Variants in ATP2A3 observed in about 807,000 individuals in gnomAD.
ATP2A3 encodes the protein sarcoplasmic/endoplasmic reticulum calcium ATPase 3.
ATP2A3 carries 61 observed loss-of-function variants against 106.8 expected under a neutral mutation model. The observed-to-expected ratio is 0.57, with a 90% CI of 0.46 to 0.71. The LOEUF (loss-of-function observed/expected upper bound fraction) is 0.71, where lower values mean the gene tolerates loss of function less well. Ranked by LOEUF, ATP2A3 falls within the 30% of genes least tolerant of loss-of-function variation. ATP2A3 has a pLI of 0.00. For missense variants in ATP2A3, 1,201 were observed against 1,423.5 expected, an observed-to-expected ratio of 0.84 and a Z score of 2.52; for synonymous variants, 611 against 609.3, an observed-to-expected ratio of 1.00 and a Z score of -0.04.
chr17:3,936,297 A>T lies in ATP2A3; in HGVS notation c.2494T>A (p.Trp832Arg). The change falls in exon 16 of 21, where the codon TGG becomes AGG. Residue 832 changes from tryptophan (W) to arginine (R), a missense_variant. By Grantham distance (101) the Trp-to-Arg change is moderately radical. Transcript: ENST00000397041. The surrounding 1 kb of genome is among the most constrained non-coding windows in gnomAD (Gnocchi z 5.4). ...ATAGCCAGGTATCGGAAGAAGAGCC[A>T]GCCACTGATGAGGGCTTCTCGGGGG... ...RSPREALISG[W>R]LFFRYLAIGV... is the part of the protein sequence containing the mutation. The T allele has an allele frequency of 6.2e-7, 1 of 1,613,756 alleles. No homozygotes were observed. Among genetic ancestry groups the T allele is most frequent in the Non-Finnish European group, 8.5e-7 (1 of 1,179,906 alleles).
At chr17:3,935,167 G>A (rs1433993839) in intron 17 of ATP2A3, 25 bp downstream of exon 17, 7 of 1,612,692 alleles carry the variant, frequency 4.3e-6, no homozygotes, top group Non-Finnish European at 5.1e-6. Context: ...AAGTTCAACA[G>A]GCTCCCTGGC....
At chr17:3,948,664 C>T (rs1008973212) in intron 7 of ATP2A3, among the ~76,000 whole-genome samples, 5 of 152,186 alleles carry the variant, frequency 3.3e-5, no homozygotes, top group African/African-American at 1.2e-4. Flanking sequence ...AATGATCCTC[C>T]TGCTTTGGCC....
At chr17:3,931,531 T>C (rs1477398676) in intron 17 of ATP2A3, among the ~76,000 whole-genome samples, 2 of 130,418 alleles carry the variant, frequency 1.5e-5, no homozygotes, top group African/African-American at 7.8e-5. Flanking sequence ...TTCTTTTTTT[T>C]TTTTTTTTGA....
At chr17:3,951,138 A>G in intron 5 of ATP2A3, 113 bp downstream of exon 5, 10 of 1,063,888 alleles carry the variant, frequency 9.4e-6, no homozygotes, top group Non-Finnish European at 1.2e-5. Context: ...GCGCCACTGC[A>G]CTCCAGTCTG....
chr17:3,938,796 G>A (rs7222395), intron 14 of ATP2A3, among the ~76,000 whole-genome samples: 17 of 151,926 alleles, frequency 1.1e-4, no homozygotes, highest in Non-Finnish European at 2.2e-4. Flanking sequence ...CTCAACCTCC[G>A]AAAGTGCTGG....
rs2054173541 is a variant in ATP2A3, at chr17:3,947,418, G to A, written c.1068C>T (p.Leu356=). The A allele has an allele frequency of 6.2e-7, 1 of 1,613,940 alleles. No individual in the cohort carries two copies. Among genetic ancestry groups the A allele is most frequent in the Non-Finnish European group, 8.5e-7 (1 of 1,180,048 alleles). Residue 356 remains leucine (L), a synonymous_variant, in exon 8 of 21, where the codon CTC becomes CTT. Transcript: ENST00000397041. The surrounding 1 kb of genome is among the most constrained non-coding windows in gnomAD (Gnocchi z 7.7). Reference sequence around the variant, plus strand: ...GGCAGACAGACATCTGATTGGTGGTGAGCGTGCCCGTCTTGTCGGAGCAGA... The same window carrying A: ...GGCAGACAGACATCTGATTGGTGGTAAGCGTGCCCGTCTTGTCGGAGCAGA... The part of the protein sequence containing the change: ...SVICSDKTGT[L]TTNQMSVCRM...
rs760957882 is a variant in ATP2A3 at position 3,950,681 on chromosome 17, G to C, written c.544+12C>G. 20 of 1,613,804 alleles carry C rather than the reference G, an allele frequency of 1.2e-5. No individual in the cohort carries two copies. The highest frequency in any genetic ancestry group is 1.6e-4 in the Middle Eastern group (1 of 6,082). On this transcript the variant is annotated intron_variant, in intron 6 of 20. Transcript: ENST00000397041. Reference sequence around the variant, plus strand: ...GGCCCACTAGGTCCCGGCCTCCTGGGGGGGGCCTCACCCGTCAGGATGGAC... The same window carrying C: ...GGCCCACTAGGTCCCGGCCTCCTGGCGGGGGCCTCACCCGTCAGGATGGAC...
intron 1 of ATP2A3, among the ~76,000 whole-genome samples, chr17:3,957,052 C>T (rs1213781566): frequency 6.6e-6 from 1 of 152,222 alleles, no homozygotes; most frequent in Admixed American, 6.5e-5. Flanking sequence ...AGGTGCCTTA[C>T]CGCATTATCA....
Position 3,945,112 on chromosome 17 carries a change from G to C in ATP2A3, c.1132C>G (p.Leu378Val), listed in dbSNP as rs1018266081. The C allele has an allele frequency of 3.9e-6, 6 of 1,548,264 alleles. No homozygotes were observed. The African/African-American group carries it at 5.5e-5, about 14-fold the overall frequency. Residue 378 changes from leucine (L) to valine (V), a missense_variant, in exon 9 of 21, where the codon CTT (leucine) becomes GTT (valine). Physicochemically the swap from Leu to Val is conservative, Grantham distance 32. This residue lies in a region of ATP2A3 where 935 missense variants were observed against 1,176.7 expected (regional missense o/e 0.79). Transcript: ENST00000397041. ...CCCGAGATGGTGAACTCGTGCAAAAGGCAGGAGCCCGCATCGGCCTCGGCT... is the reference window on the plus strand; with the variant it reads ...CCCGAGATGGTGAACTCGTGCAAAACGCAGGAGCCCGCATCGGCCTCGGCT... ...VVAEADAGSC[L>V]LHEFTISGTT...
At chr17:3,939,517 G>A (rs184624158) in intron 14 of ATP2A3, among the ~76,000 whole-genome samples, 3 of 152,172 alleles carry the variant, frequency 2.0e-5, no homozygotes, top group Admixed American at 1.3e-4. Context: ...GGCCGGGCGC[G>A]GTGGCTCATA....
chr17:3,930,721 G>A lies in ATP2A3; in HGVS notation c.2611-287C>T. 1.9e-6 allele frequency: 1 copy of A among 529,876 alleles called. No homozygotes were observed. The highest frequency in any genetic ancestry group is 3.4e-6 in the Non-Finnish European group (1 of 290,726). 32.8% of individuals were successfully genotyped at this position (529,876 alleles called of 1,614,324 possible). The stretch of plus-strand genomic sequence containing the variant: ...AGAACAGCTGGCATTAGCCTGGGGA[G>A]GCTAGCGGGAGCCTGGAGATCACTG... On this transcript the variant is annotated intron_variant, in intron 17 of 20. Transcript: ENST00000397041. This position sits in a 1 kb window ranked among gnomAD's most constrained non-coding sequence, Gnocchi z 5.4.
At chr17:3,960,514 A>C (rs915417478) in intron 1 of ATP2A3, among the ~76,000 whole-genome samples, 2 of 152,238 alleles carry the variant, frequency 1.3e-5, no homozygotes, top group African/African-American at 4.8e-5. Flanking sequence ...CTCTCAGGTC[A>C]CTGGGGTCTC....
chr17:3,943,223 G>A (rs1227567032), intron 11 of ATP2A3, among the ~76,000 whole-genome samples, 168 bp downstream of exon 11: 1 of 150,352 alleles, frequency 6.7e-6, no homozygotes, highest in East Asian at 2.0e-4. Flanking sequence ...AGTGAGCCAG[G>A]ATTGCACCAT....
chr17:3,925,191 A>G lies in ATP2A3; in HGVS notation c.*231T>C. Reference sequence around the variant, plus strand: ...AGAGCTGCAGAGCAGGGAACTTCCCAGGAGAGTCCAGGAGACAGGAATTAC... The same window carrying G: ...AGAGCTGCAGAGCAGGGAACTTCCCGGGAGAGTCCAGGAGACAGGAATTAC... On this transcript the variant is annotated 3_prime_UTR_variant, in exon 21 of 21. Coordinates refer to ENST00000397041, the MANE Select transcript of ATP2A3 (RefSeq NM_005173.4). This position sits in a 1 kb window ranked among gnomAD's most constrained non-coding sequence, Gnocchi z 4.2. 1.5e-6 allele frequency: 1 copy of G among 654,520 alleles called. No individual in the cohort carries two copies. The highest frequency in any genetic ancestry group is 2.6e-6 in the Non-Finnish European group (1 of 380,884). 40.5% of individuals were successfully genotyped at this position (654,520 alleles called of 1,614,324 possible).
Position 3,930,637 on chromosome 17 carries a change from C to A in ATP2A3, c.2611-203G>T. 2.8e-6 allele frequency: 2 copies of A among 704,480 alleles called. No individual in the cohort carries two copies. Among genetic ancestry groups the A allele is most frequent in the South Asian group, 1.7e-5 (1 of 58,640 alleles). 43.6% of individuals were successfully genotyped at this position (704,480 alleles called of 1,614,324 possible). ...AGAGCTGCACCGTGCCAGGGAGAAG[C>A]AAGGGCACAGCGTGGGAAAGGCAGA... On this transcript the variant is annotated intron_variant, in intron 17 of 20. Coordinates refer to ENST00000397041, the MANE Select transcript of ATP2A3 (RefSeq NM_005173.4). The surrounding 1 kb of genome is among the most constrained non-coding windows in gnomAD (Gnocchi z 5.4).
At chr17:3,943,848 T>A (rs1372448798) in intron 10 of ATP2A3, among the ~76,000 whole-genome samples, 2 of 151,854 alleles carry the variant, frequency 1.3e-5, no homozygotes, top group African/African-American at 4.8e-5. Flanking sequence ...CCTGGGGCCC[T>A]TTGCTGAGCC....
At position 3,951,498 on chromosome 17, in the gene ATP2A3, G is replaced by A. The variant is rs2054428978; in HGVS notation, c.324+83C>T. ...GATGGAGGTGGAAGCAGGAGAGTCT[G>A]CAGGACGCCAGCACCAGGTGGAGGG... On this transcript the variant is annotated intron_variant, in intron 4 of 20. Transcript: ENST00000397041. The A allele has an allele frequency of 1.1e-5, 18 of 1,577,866 alleles. No homozygotes were observed. In the South Asian group the frequency reaches 1.7e-4, roughly 15 times the overall value.
At position 3,924,050 on chromosome 17, in the gene ATP2A3, T is replaced by TGA. The variant is rs2052584894; in HGVS notation, c.*1370_*1371dup. 6.6e-6 allele frequency: 1 copy of TGA among 151,846 alleles called. No homozygotes were observed. Among genetic ancestry groups the TGA allele is most frequent in the South Asian group, 2.1e-4 (1 of 4,816 alleles). The allele number at this position is 151,846 out of a possible 1,614,324, so 9.4% of individuals were successfully genotyped here. On this transcript the variant is annotated 3_prime_UTR_variant, in exon 21 of 21. Coordinates refer to ENST00000397041, the MANE Select transcript of ATP2A3 (RefSeq NM_005173.4). This position sits in a 1 kb window ranked among gnomAD's most constrained non-coding sequence, Gnocchi z 6.4. ...TCTCTCACTGGCCGCCCAGAACCTGTGAGAGGGAGGAGGGGTGAGGCGTAG... is the reference window on the plus strand; with the variant it reads ...TCTCTCACTGGCCGCCCAGAACCTGTGAGAGAGGGAGGAGGGGTGAGGCGTAG...
At chr17:3,954,316 C>CA (rs1408721159) in intron 1 of ATP2A3, among the ~76,000 whole-genome samples, 1 of 152,058 alleles carries the variant, frequency 6.6e-6, no homozygotes, top group Non-Finnish European at 1.5e-5. Context: ...GACAGGACCC[C>CA]AGCAGCCAGC....
Sources: gnomAD v4.1 joint callset for allele counts (sites outside exome capture counted in the v4.1 genomes callset) on GRCh38, gnomAD v4.1.1 for gene constraint, gnomAD v4.1.1 regional missense constraint, Gnocchi (gnomAD v3.1) non-coding constraint, MANE v1.5 for transcripts, NCBI Gene and HGNC (gene_info 2026-07-23, HGNC 2026-07-21) for gene names.